The following COL26A1 variants were observed in gnomAD, a reference collection of about 807,000 sequenced individuals.
COL26A1 encodes collagen type XXVI alpha 1 chain.
COL26A1 carries 41 observed loss-of-function variants against 59.3 expected under a neutral mutation model. The ratio of observed to expected loss-of-function variants is 0.69; its 90% CI spans 0.54 to 0.90. The LOEUF (loss-of-function observed/expected upper bound fraction) is 0.90. COL26A1 is among the 40% of genes least tolerant of loss of function. COL26A1 has a pLI of 0.00. For missense variants in COL26A1, 612 were observed against 602.3 expected, an observed-to-expected ratio of 1.02 and a Z score of -0.17; for synonymous variants, 266 against 256.0, an observed-to-expected ratio of 1.04 and a Z score of -0.37.
chr7:101,511,045 C>T (rs55696104), intron 3 of COL26A1, among the ~76,000 whole-genome samples: 3,651 of 151,802 alleles, frequency 0.024, 48 homozygotes, highest in Non-Finnish European at 0.038. Context: ...GGACTACAGG[C>T]GCCCACCACC....
intron 3 of COL26A1, among the ~76,000 whole-genome samples, chr7:101,493,251 C>A (rs1195834146): frequency 6.7e-6 from 1 of 150,264 alleles, no homozygotes; most frequent in African/African-American, 2.5e-5. Context: ...TCCCTCCCCA[C>A]CCCGCCCACT....
intron 12 of COL26A1, among the ~76,000 whole-genome samples, chr7:101,556,961 G>A (rs1795990637): frequency 6.8e-6 from 1 of 147,070 alleles, no homozygotes; most frequent in Admixed American, 6.8e-5. Context: ...GAGTGGATAG[G>A]TGGGTGGGTG....
At chr7:101,542,850 C>T (rs1217480866) in intron 5 of COL26A1, among the ~76,000 whole-genome samples, 3 of 152,240 alleles carry the variant, frequency 2.0e-5, no homozygotes, top group Non-Finnish European at 2.9e-5. Flanking sequence ...AGAGCGTTAC[C>T]TCATGCCCAC....
chr7:101,487,198 G>T (rs1257163966), intron 3 of COL26A1, among the ~76,000 whole-genome samples: 1 of 152,222 alleles, frequency 6.6e-6, no homozygotes, highest in African/African-American at 2.4e-5. Context: ...AGGTCCTGGA[G>T]AAAAGGACCT....
intron 4 of COL26A1, among the ~76,000 whole-genome samples, chr7:101,539,470 C>T (rs1176101941): frequency 2.0e-5 from 3 of 152,030 alleles, no homozygotes; most frequent in East Asian, 3.9e-4. Flanking sequence ...GGACTGCAGG[C>T]GTGTGCCACC....
rs371222261 is a variant in COL26A1 at position 101,522,079 on chromosome 7, G to A, written c.386-11003G>A. ...GAGCAATGCTGCCATGAACGTTCTT[G>A]TGCATGCCTTTCAGTGAACATATTT... On this transcript the variant is annotated intron_variant, in intron 3 of 12. Transcript: ENST00000313669. 3.8e-4 allele frequency among the ~76,000 whole-genome samples: 58 copies of A among 152,246 alleles called. 3 individuals are homozygous for A. In the East Asian group the frequency reaches 4.4e-3, roughly 12 times the overall value.
intron 1 of COL26A1, among the ~76,000 whole-genome samples, chr7:101,363,826 A>C (rs1790972997): frequency 6.6e-6 from 1 of 151,930 alleles, no homozygotes; most frequent in South Asian, 2.1e-4. Flanking sequence ...TCTGCCGCTC[A>C]CCTGCGCGGC....
At chr7:101,487,738 C>T (rs1329381840) in intron 3 of COL26A1, among the ~76,000 whole-genome samples, 3 of 152,092 alleles carry the variant, frequency 2.0e-5, no homozygotes, top group East Asian at 1.9e-4. Context: ...CCACCCTGCC[C>T]GTAAGATAAG....
At chr7:101,439,585 G>A (rs1050577927) in intron 2 of COL26A1, among the ~76,000 whole-genome samples, 2 of 148,586 alleles carry the variant, frequency 1.3e-5, no homozygotes, top group Non-Finnish European at 3.0e-5. Flanking sequence ...GGAAACTGGT[G>A]TGCTGGAGAT....
chr7:101,427,192 G>A (rs896901815), intron 2 of COL26A1, among the ~76,000 whole-genome samples: 3 of 152,206 alleles, frequency 2.0e-5, no homozygotes, highest in Admixed American at 6.5e-5. Context: ...CCAACTGGGT[G>A]CCATGATGGA....
At chr7:101,427,199 T>G (rs1444417397) in intron 2 of COL26A1, among the ~76,000 whole-genome samples, 1 of 152,192 alleles carries the variant, frequency 6.6e-6, no homozygotes. Context: ...GGTGCCATGA[T>G]GGATGGATGC....
intron 1 of COL26A1, among the ~76,000 whole-genome samples, chr7:101,404,461 C>T (rs1396808044): frequency 6.6e-6 from 1 of 152,204 alleles, no homozygotes; most frequent in Non-Finnish European, 1.5e-5. Flanking sequence ...TTGGGCAAAT[C>T]TCAATGCCAC....
At chr7:101,401,926 C>T (rs993323233) in intron 1 of COL26A1, among the ~76,000 whole-genome samples, 38 of 152,148 alleles carry the variant, frequency 2.5e-4, no homozygotes, top group African/African-American at 8.7e-4. Context: ...CTGGGGGTTA[C>T]GTGAACTGCC....
intron 1 of COL26A1, among the ~76,000 whole-genome samples, chr7:101,390,162 T>TTTG: frequency 7.0e-6 from 1 of 143,528 alleles, no homozygotes; most frequent in Non-Finnish European, 1.5e-5. Flanking sequence ...TTTTTTTTTT[T>TTTG]TTTTTTTTTT....
intron 12 of COL26A1, among the ~76,000 whole-genome samples, chr7:101,556,918 T>TGGATGGAC (rs1795989321): frequency 6.6e-6 from 1 of 150,702 alleles, no homozygotes; most frequent in South Asian, 2.1e-4. Context: ...GATGGATGGA[T>TGGATGGAC]GGATGGATGG....
At chr7:101,402,300 C>T (rs1030928489) in intron 1 of COL26A1, among the ~76,000 whole-genome samples, 30 of 152,182 alleles carry the variant, frequency 2.0e-4, no homozygotes, top group Admixed American at 6.6e-4. Context: ...AGGGATTTTC[C>T]CCCCCAAGTG....
chr7:101,432,202 T>C (rs1792799032), intron 2 of COL26A1, among the ~76,000 whole-genome samples: 1 of 152,028 alleles, frequency 6.6e-6, no homozygotes, highest in Non-Finnish European at 1.5e-5. Flanking sequence ...CCTCAGGTGA[T>C]CCACCCGCTT....
At chr7:101,403,786 G>C (rs1792067634) in intron 1 of COL26A1, among the ~76,000 whole-genome samples, 2 of 152,044 alleles carry the variant, frequency 1.3e-5, no homozygotes, top group Admixed American at 1.3e-4. Context: ...GATTATCCTG[G>C]TTAAATTTCA....
chr7:101,400,035 G>T (rs1229490297), intron 1 of COL26A1, among the ~76,000 whole-genome samples: 1 of 152,264 alleles, frequency 6.6e-6, no homozygotes, highest in East Asian at 1.9e-4. Context: ...CGAGTGCTGT[G>T]GGCAGAGTTG....
Sources: allele counts gnomAD v4.1 joint callset (sites outside exome capture counted in the v4.1 genomes callset), GRCh38; gene constraint gnomAD v4.1.1; transcripts MANE v1.5; gene names NCBI Gene and HGNC (gene_info 2026-07-23, HGNC 2026-07-21).